The following GPHN variants were observed in gnomAD, a reference collection of about 807,000 sequenced individuals.
GPHN encodes the protein gephyrin.
GPHN carries 17 observed loss-of-function variants against 95.5 expected under a neutral mutation model. The ratio of observed to expected loss-of-function variants is 0.18; its 90% CI spans 0.12 to 0.27. The LOEUF is 0.27. Ranked by LOEUF, GPHN falls within the 10% of genes least tolerant of loss-of-function variation. The pLI, the probability that GPHN is intolerant of heterozygous loss-of-function variation, is 1.00. For synonymous variants in GPHN, 320 were observed against 322.5 expected (o/e 0.99, Z 0.08); for missense variants, 660 against 978.1 (o/e 0.67, Z 4.34).
chr14:66,739,099 G>T (rs1416407310), intron 2 of GPHN, among the ~76,000 whole-genome samples: 4 of 151,920 alleles, frequency 2.6e-5, no homozygotes, highest in African/African-American at 9.7e-5. Flanking sequence ...GGCTGAACAT[G>T]ACAGGGGCTT....
chr14:67,001,288 A>G (rs2072207679), intron 9 of GPHN, among the ~76,000 whole-genome samples: 2 of 151,618 alleles, frequency 1.3e-5, no homozygotes, highest in Non-Finnish European at 3.0e-5. Flanking sequence ...CCTATGTTCT[A>G]GAGAATTTAC....
At chr14:67,679,646 C>T in the GPHN span, among the ~76,000 whole-genome samples, 2 of 152,144 alleles carry the variant, frequency 1.3e-5, no homozygotes, top group East Asian at 3.9e-4. Context: ...TCAAGTGATC[C>T]ACCTGCCTCG....
intron 2 of GPHN, among the ~76,000 whole-genome samples, chr14:66,753,510 CAA>C (rs11300539): frequency 3.2e-4 from 46 of 143,016 alleles, no homozygotes; most frequent in South Asian, 8.9e-4. Flanking sequence ...TCTATTCTGC[CAA>C]AAAAAAAAAA....
chr14:67,574,748 G>C, the GPHN span, among the ~76,000 whole-genome samples: 1 of 152,130 alleles, frequency 6.6e-6, no homozygotes, highest in African/African-American at 2.4e-5. The surrounding 1 kb of genome is among the most constrained non-coding windows in gnomAD (Gnocchi z 4.2). Flanking sequence ...GGCGAGGTAG[G>C]TATGGCTCCT....
At chr14:66,518,525 G>GAC (rs1333508756) in intron 1 of GPHN, among the ~76,000 whole-genome samples, 2 of 152,128 alleles carry the variant, frequency 1.3e-5, no homozygotes, top group South Asian at 2.1e-4. Flanking sequence ...ATATGGAAGA[G>GAC]ACACGTGTAC....
chr14:66,826,333 G>A (rs1458570933), intron 4 of GPHN, among the ~76,000 whole-genome samples: 1 of 152,086 alleles, frequency 6.6e-6, no homozygotes, highest in East Asian at 1.9e-4. Flanking sequence ...CACTTCTGAT[G>A]CTAAATGTGG....
At chr14:66,770,469 T>C (rs898006046) in intron 2 of GPHN, among the ~76,000 whole-genome samples, 1 of 152,166 alleles carries the variant, frequency 6.6e-6, no homozygotes, top group African/African-American at 2.4e-5. Flanking sequence ...TGGATTTTAC[T>C]ATAATGGTAC....
chr14:67,650,867 C>CCTA, the GPHN span: 1 of 1,614,212 alleles, frequency 6.2e-7, no homozygotes, highest in South Asian at 1.1e-5. Context: ...TGACCAACTT[C>CCTA]CTACTCCCAG....
At chr14:67,574,163 A>G in the GPHN span, 2 of 1,311,440 alleles carry the variant, frequency 1.5e-6, no homozygotes, top group Non-Finnish European at 2.1e-6. The surrounding 1 kb of genome is among the most constrained non-coding windows in gnomAD (Gnocchi z 4.2). Flanking sequence ...GTTCAGGGAC[A>G]GGTGCCACCT....
At chr14:66,575,544 T>C (rs536428319) in intron 1 of GPHN, among the ~76,000 whole-genome samples, 1 of 152,340 alleles carries the variant, frequency 6.6e-6, no homozygotes, top group African/African-American at 2.4e-5. Context: ...CCAGTGTTTC[T>C]GAGTGGGCTT....
the GPHN span, among the ~76,000 whole-genome samples, chr14:67,297,773 A>G: frequency 6.6e-6 from 1 of 152,210 alleles, no homozygotes; most frequent in Admixed American, 6.6e-5. Flanking sequence ...TCTTCCTTTC[A>G]TTGAATTCAT....
chr14:67,208,340 T>A, the GPHN span: 12 of 1,613,856 alleles, frequency 7.4e-6, no homozygotes, highest in Non-Finnish European at 2.5e-6. Context: ...TCAAACTACC[T>A]TGACCCCAGT....
the GPHN span, among the ~76,000 whole-genome samples, chr14:67,297,095 C>T: frequency 1.3e-5 from 2 of 152,136 alleles, no homozygotes; most frequent in Non-Finnish European, 2.9e-5. Flanking sequence ...TGACAAAGCA[C>T]TTTGGGGGAA....
the GPHN span, chr14:67,198,006 A>C: frequency 1.3e-6 from 1 of 777,644 alleles, no homozygotes; most frequent in Non-Finnish European, 2.0e-6. Flanking sequence ...GTATTAATAC[A>C]AGTGCCTGGT....
At chr14:67,543,439 C>T in the GPHN span, among the ~76,000 whole-genome samples, 677 of 152,258 alleles carry the variant, frequency 4.4e-3, 18 homozygotes, top group East Asian at 0.062. Context: ...GAATATACAT[C>T]AGGAAAGGGC....
chr14:66,550,829 A>AT (rs1475037634), intron 1 of GPHN, among the ~76,000 whole-genome samples: 4 of 151,850 alleles, frequency 2.6e-5, no homozygotes, highest in Non-Finnish European at 4.4e-5. Context: ...GATGGTTAGC[A>AT]TTTTTTTAGC....
the GPHN span, among the ~76,000 whole-genome samples, chr14:67,319,672 C>T: frequency 0.018 from 2,764 of 151,682 alleles, 99 homozygotes; most frequent in African/African-American, 0.063. Flanking sequence ...TTTACAAATT[C>T]GCATTGGGCC....
chr14:66,525,272 G>T (rs1457328855), intron 1 of GPHN, among the ~76,000 whole-genome samples: 1 of 152,038 alleles, frequency 6.6e-6, no homozygotes, highest in Non-Finnish European at 1.5e-5. Context: ...TTTCATATGT[G>T]TGTTGGCTGC....
At chr14:67,468,453 T>C in the GPHN span, among the ~76,000 whole-genome samples, 3 of 152,200 alleles carry the variant, frequency 2.0e-5, no homozygotes, top group Admixed American at 2.0e-4. Flanking sequence ...TCAGTAAACA[T>C]TAGGCTTTCA....
Sources: gnomAD v4.1 joint callset for allele counts (sites outside exome capture counted in the v4.1 genomes callset) on GRCh38, gnomAD v4.1.1 for gene constraint, Gnocchi (gnomAD v3.1) non-coding constraint, MANE v1.5 for transcripts, NCBI Gene and HGNC (gene_info 2026-07-23, HGNC 2026-07-21) for gene names.